The following EYA2 variants were observed in gnomAD, a reference collection of about 807,000 sequenced individuals.
EYA2 encodes EYA transcriptional coactivator and phosphatase 2.
Under a neutral mutation model 69.2 loss-of-function variants are expected in EYA2, and 31 were observed. The ratio of observed to expected loss-of-function variants is 0.45; its 90% CI spans 0.34 to 0.60. EYA2 has a LOEUF of 0.60. Among genes scored for constraint, EYA2 ranks in the 20% least tolerant of loss-of-function variants. The probability of loss-of-function intolerance (pLI) is 0.02; values close to 1 mark genes in which losing one functional copy is unlikely to be tolerated. For synonymous variants in EYA2, 257 were observed against 279.4 expected, an observed-to-expected ratio of 0.92 and a Z score of 0.80; for missense variants, 622 against 701.2, an observed-to-expected ratio of 0.89 and a Z score of 1.28.
At chr20:46,965,916 G>A (rs1979749669) in intron 1 of EYA2, among the ~76,000 whole-genome samples, 1 of 152,238 alleles carries the variant, frequency 6.6e-6, no homozygotes, top group Non-Finnish European at 1.5e-5. Context: ...CTCTTGGGGT[G>A]TGGAGTCAGC....
At chr20:47,025,034 T>G (rs1983998001) in intron 5 of EYA2, among the ~76,000 whole-genome samples, 1 of 152,266 alleles carries the variant, frequency 6.6e-6, no homozygotes. Flanking sequence ...TTGGGAGAAC[T>G]AATTTTGCAA....
At chr20:47,028,936 A>T (rs1429762246) in intron 5 of EYA2, among the ~76,000 whole-genome samples, 1 of 149,354 alleles carries the variant, frequency 6.7e-6, no homozygotes, top group Admixed American at 6.6e-5. Context: ...AATTTAAATT[A>T]AAAAAAAACA....
chr20:46,996,013 T>C (rs952842228), intron 2 of EYA2, among the ~76,000 whole-genome samples: 2 of 152,212 alleles, frequency 1.3e-5, no homozygotes, highest in African/African-American at 2.4e-5. Context: ...AGATTTAAAT[T>C]TGGATCTGAC....
intron 8 of EYA2, among the ~76,000 whole-genome samples, chr20:47,092,294 A>G (rs1196467319): frequency 6.6e-6 from 1 of 151,964 alleles, no homozygotes; most frequent in Non-Finnish European, 1.5e-5. Flanking sequence ...AAGTGTTCCC[A>G]CTGTTCCTGG....
chr20:47,041,935 T>C (rs1985093556), intron 5 of EYA2, among the ~76,000 whole-genome samples: 1 of 152,110 alleles, frequency 6.6e-6, no homozygotes. Flanking sequence ...CCAGTTTTGT[T>C]TGCCATAAAT....
At chr20:47,031,605 A>G (rs972558630) in intron 5 of EYA2, among the ~76,000 whole-genome samples, 48 of 152,122 alleles carry the variant, frequency 3.2e-4, no homozygotes, top group Non-Finnish European at 6.5e-4. Context: ...AATTATTACA[A>G]CTTATCCTTT....
intron 1 of EYA2, among the ~76,000 whole-genome samples, chr20:46,928,943 G>A (rs981933655): frequency 2.6e-5 from 4 of 152,138 alleles, no homozygotes; most frequent in Admixed American, 1.3e-4. Context: ...AGCACATTGT[G>A]TTCTGGCCCC....
chr20:47,122,394 T>C (rs780818053), intron 9 of EYA2, among the ~76,000 whole-genome samples: 1 of 149,736 alleles, frequency 6.7e-6, no homozygotes, highest in African/African-American at 2.5e-5. Context: ...GCTGGGTTCA[T>C]GCCATTCTCC....
At position 47,105,541 on chromosome 20, in the gene EYA2, C is replaced by T. The variant is rs578110033; in HGVS notation, c.888+8373C>T. On this transcript the variant is annotated intron_variant, in intron 9 of 15. Transcript: ENST00000327619. ...TCAGGAGGCTGAGACAGGAGAATCACTTGAACCTGGGAGGCGGAGGTTGCA... is the reference window on the plus strand; with the variant it reads ...TCAGGAGGCTGAGACAGGAGAATCATTTGAACCTGGGAGGCGGAGGTTGCA... Among the ~76,000 whole-genome samples the T allele has an allele frequency of 1.3e-3, 189 of 150,146 alleles. 1 individual carries two copies. Among genetic ancestry groups the T allele is most frequent in the African/African-American group, 4.5e-3 (185 of 40,756 alleles).
chr20:47,172,118 AAAAAAAAT>A lies in EYA2; in HGVS notation c.1038-575_1038-568del, dbSNP rs1302781766. Among the ~76,000 whole-genome samples the A allele has an allele frequency of 2.4e-4, 37 of 151,150 alleles. 1 individual carries two copies. The South Asian group carries it at 6.9e-3, about 28-fold the overall frequency. The stretch of plus-strand genomic sequence containing the variant: ...CATCTCAAAATAAATAAAAAAAAAT[AAAAAAAAT>A]AAAAAAATAAAAAGTCAAAATAAGG... On this transcript the variant is annotated intron_variant, in intron 11 of 15. Transcript: ENST00000327619.
intron 9 of EYA2, among the ~76,000 whole-genome samples, chr20:47,113,707 C>G (rs938980214): frequency 2.6e-5 from 4 of 152,166 alleles, no homozygotes; most frequent in Non-Finnish European, 4.4e-5. Flanking sequence ...GAGATTTCTC[C>G]AGAGAGAGAA....
intron 5 of EYA2, among the ~76,000 whole-genome samples, chr20:47,068,201 A>G (rs1303172901): frequency 6.6e-6 from 1 of 152,234 alleles, no homozygotes; most frequent in East Asian, 1.9e-4. Flanking sequence ...AGTTATATAC[A>G]AAGTGCCTAA....
intron 1 of EYA2, among the ~76,000 whole-genome samples, chr20:46,923,447 G>T (rs1299865732): frequency 1.3e-5 from 2 of 152,196 alleles, no homozygotes; most frequent in Non-Finnish European, 2.9e-5. Context: ...TTCTAGACTG[G>T]ATTCTAGATA....
At chr20:47,172,564 A>T in intron 11 of EYA2, 143 bp from the exon 12 acceptor site, 1 of 711,118 alleles carries the variant, frequency 1.4e-6, no homozygotes, top group Non-Finnish European at 2.2e-6. Flanking sequence ...CCCCAAATGC[A>T]CACTCGCAGC....
At chr20:46,913,798 T>C (rs1272345067) in intron 1 of EYA2, among the ~76,000 whole-genome samples, 1 of 151,998 alleles carries the variant, frequency 6.6e-6, no homozygotes, top group Non-Finnish European at 1.5e-5. Flanking sequence ...ATGGGGACAG[T>C]GGAGGGAGGA....
At chr20:46,900,682 C>T (rs1404591421) in intron 1 of EYA2, among the ~76,000 whole-genome samples, 1 of 152,170 alleles carries the variant, frequency 6.6e-6, no homozygotes, top group Non-Finnish European at 1.5e-5. Flanking sequence ...TACTCCGTTA[C>T]CAAATATCTC....
chr20:47,118,762 G>T (rs992160322), intron 9 of EYA2, among the ~76,000 whole-genome samples: 1 of 152,150 alleles, frequency 6.6e-6, no homozygotes, highest in African/African-American at 2.4e-5. Context: ...CTCAACTTGG[G>T]TTGAGAGTTC....
intron 1 of EYA2, among the ~76,000 whole-genome samples, chr20:46,908,684 G>A (rs1252657195): frequency 3.9e-5 from 6 of 152,074 alleles, no homozygotes; most frequent in Non-Finnish European, 4.4e-5. Flanking sequence ...AATGGTCTCC[G>A]TGTTGCTAGG....
intron 5 of EYA2, among the ~76,000 whole-genome samples, chr20:47,064,235 G>T (rs1205317159): frequency 6.6e-6 from 1 of 152,206 alleles, no homozygotes; most frequent in Non-Finnish European, 1.5e-5. Flanking sequence ...GGGATTATAG[G>T]TATGAGCCAC....
Sources: gnomAD v4.1 joint callset for allele counts (sites outside exome capture counted in the v4.1 genomes callset) on GRCh38, gnomAD v4.1.1 for gene constraint, MANE v1.5 for transcripts, NCBI Gene and HGNC (gene_info 2026-07-23, HGNC 2026-07-21) for gene names.